PDE3A: variants seen among roughly 807,000 people sequenced by gnomAD.
The protein encoded by PDE3A is phosphodiesterase 3A, also known as cGMP-inhibited 3',5'-cyclic phosphodiesterase 3A.
Under a neutral mutation model 98.3 loss-of-function variants are expected in PDE3A, and 43 were observed. The observed-to-expected ratio is 0.44, with a 90% CI of 0.34 to 0.56. The LOEUF is 0.56. Among genes scored for constraint, PDE3A ranks in the 20% least tolerant of loss-of-function variants. The probability of loss-of-function intolerance (pLI) is 0.01; values close to 1 mark genes in which losing one functional copy is unlikely to be tolerated. For missense variants in PDE3A, 1,427 were observed against 1,440.7 expected (o/e 0.99, Z 0.15); for synonymous variants, 663 against 567.9 (o/e 1.17, Z -2.38).
At chr12:20,429,112 T>C (rs923778834) in intron 1 of PDE3A, among the ~76,000 whole-genome samples, 1 of 152,164 alleles carries the variant, frequency 6.6e-6, no homozygotes, top group African/African-American at 2.4e-5. Context: ...AAAAAATGCA[T>C]AAAACAGAAC....
intron 2 of PDE3A, among the ~76,000 whole-genome samples, chr12:20,585,717 C>G (rs1414132724): frequency 6.6e-6 from 1 of 152,168 alleles, no homozygotes; most frequent in Non-Finnish European, 1.5e-5. Context: ...TCTCATTGTT[C>G]TCCTTCAGCC....
intron 10 of PDE3A, among the ~76,000 whole-genome samples, 171 bp from the exon 11 acceptor site, chr12:20,646,319 G>A (rs957834629): frequency 5.3e-5 from 8 of 152,166 alleles, no homozygotes; most frequent in Admixed American, 2.0e-4. Context: ...TACGATGGAT[G>A]TTATGGAGTT....
intron 1 of PDE3A, among the ~76,000 whole-genome samples, chr12:20,375,088 T>G (rs1319207221): frequency 6.6e-6 from 1 of 151,928 alleles, no homozygotes; most frequent in Non-Finnish European, 1.5e-5. Context: ...TGTGTGGTGT[T>G]TATATCTTCT....
At chr12:20,459,381 GA>G (rs1449994728) in intron 1 of PDE3A, among the ~76,000 whole-genome samples, 1 of 151,980 alleles carries the variant, frequency 6.6e-6, no homozygotes, top group Non-Finnish European at 1.5e-5. Context: ...GTTACAAACA[GA>G]AAATCATCCT....
At position 20,648,899 on chromosome 12, in the gene PDE3A, G is replaced by C. The variant is rs772179191; in HGVS notation, c.2769+8G>C. 5 of 1,486,908 alleles carry C rather than the reference G, an allele frequency of 3.4e-6. No homozygotes were observed. Among genetic ancestry groups the C allele is most frequent in the Non-Finnish European group, 4.7e-6 (5 of 1,067,182 alleles). The allele number at this position is 1,486,908 out of a possible 1,614,324, so 92.1% of individuals were successfully genotyped here. On this transcript the variant is annotated splice_region_variant and intron_variant, in intron 13 of 15. Coordinates refer to ENST00000359062, the MANE Select transcript of PDE3A (RefSeq NM_000921.5). ...GCCAAATTTAATGGCAAGGTAAATA[G>C]AGCTGTACCCAGTTTTCTTTTCTTT...
intron 5 of PDE3A, among the ~76,000 whole-genome samples, chr12:20,621,728 T>A (rs577112074): frequency 9.7e-4 from 148 of 152,240 alleles, no homozygotes; most frequent in African/African-American, 3.3e-3. Flanking sequence ...GAAATTCCAA[T>A]TTTTTAGTGT....
rs571604811 is a variant in PDE3A at position 20,505,003 on chromosome 12, G to T, written c.961-51657G>T. 3.4e-4 allele frequency among the ~76,000 whole-genome samples: 52 copies of T among 152,122 alleles called. No individual in the cohort carries two copies. The East Asian group carries it at 9.7e-3, about 28-fold the overall frequency. Reference sequence around the variant, plus strand: ...TATGCCAGTAGCTGAAAGCACCAGAGGTCTTTTCCTTGTAATTATACAGGG... The same window carrying T: ...TATGCCAGTAGCTGAAAGCACCAGATGTCTTTTCCTTGTAATTATACAGGG... On this transcript the variant is annotated intron_variant, in intron 1 of 15. Transcript: ENST00000359062.
intron 1 of PDE3A, among the ~76,000 whole-genome samples, chr12:20,456,900 C>G (rs1171439673): frequency 2.0e-5 from 3 of 152,136 alleles, no homozygotes; most frequent in Non-Finnish European, 4.4e-5. Context: ...AATAACGGTT[C>G]TCTCTCGGAC....
At chr12:20,570,746 G>A (rs1411532772) in intron 2 of PDE3A, among the ~76,000 whole-genome samples, 1 of 152,114 alleles carries the variant, frequency 6.6e-6, no homozygotes, top group African/African-American at 2.4e-5. Flanking sequence ...GTGTGTCTCA[G>A]TGTACCTCAG....
At chr12:20,669,985 A>G (rs1945428039) in intron 15 of PDE3A, among the ~76,000 whole-genome samples, 1 of 151,868 alleles carries the variant, frequency 6.6e-6, no homozygotes, top group African/African-American at 2.4e-5. Context: ...TAGGCTCAAA[A>G]TAAAAGGATG....
chr12:20,388,750 T>C (rs946651092), intron 1 of PDE3A, among the ~76,000 whole-genome samples: 2 of 152,082 alleles, frequency 1.3e-5, no homozygotes, highest in Non-Finnish European at 2.9e-5. Context: ...TAATATTGAT[T>C]AACTTCAGTT....
At chr12:20,520,434 G>T (rs951334069) in intron 1 of PDE3A, among the ~76,000 whole-genome samples, 2 of 152,148 alleles carry the variant, frequency 1.3e-5, no homozygotes, top group South Asian at 2.1e-4. Flanking sequence ...AAGTGGTTGA[G>T]TTCCATCCTG....
chr12:20,555,443 T>A (rs1942345773), intron 1 of PDE3A, among the ~76,000 whole-genome samples: 1 of 152,202 alleles, frequency 6.6e-6, no homozygotes, highest in African/African-American at 2.4e-5. Context: ...GTTTTAACTT[T>A]GTGTTTGGTG....
chr12:20,439,606 T>G (rs1944834795), intron 1 of PDE3A, among the ~76,000 whole-genome samples: 2 of 152,228 alleles, frequency 1.3e-5, no homozygotes. Flanking sequence ...TACTGTATTG[T>G]TCATGCTGCG....
intron 1 of PDE3A, among the ~76,000 whole-genome samples, chr12:20,484,054 A>T (rs549298266): frequency 6.6e-6 from 1 of 151,994 alleles, no homozygotes; most frequent in South Asian, 2.1e-4. Context: ...TTTTCTTTAA[A>T]TTTTGCCTTC....
At chr12:20,475,463 T>C (rs556775110) in intron 1 of PDE3A, among the ~76,000 whole-genome samples, 1 of 152,246 alleles carries the variant, frequency 6.6e-6, no homozygotes, top group African/African-American at 2.4e-5. Flanking sequence ...TGGTGGTGAC[T>C]CATGCCTGTC....
At chr12:20,494,405 T>G (rs2121058342) in intron 1 of PDE3A, among the ~76,000 whole-genome samples, 2 of 152,330 alleles carry the variant, frequency 1.3e-5, no homozygotes, top group East Asian at 3.9e-4. Flanking sequence ...GGGCCAAATA[T>G]TTTCAGTGTT....
At chr12:20,537,144 C>A (rs1400165949) in intron 1 of PDE3A, among the ~76,000 whole-genome samples, 1 of 152,002 alleles carries the variant, frequency 6.6e-6, no homozygotes, top group African/African-American at 2.4e-5. Flanking sequence ...TTTGCATGTC[C>A]ACAGTAGCTA....
chr12:20,553,785 C>T lies in PDE3A; in HGVS notation c.961-2875C>T, dbSNP rs558494030. On this transcript the variant is annotated intron_variant, in intron 1 of 15. Transcript: ENST00000359062. ...CAGCACATGAAGTCACGTGCAAGTG[C>T]CTTTGATTCGTTCCTTCTTTCTAAA... 4.6e-5 allele frequency among the ~76,000 whole-genome samples: 7 copies of T among 152,298 alleles called. No homozygotes were observed. In the East Asian group the frequency reaches 1.4e-3, roughly 29 times the overall value.
Sources: gnomAD v4.1 joint callset for allele counts (sites outside exome capture counted in the v4.1 genomes callset) on GRCh38, gnomAD v4.1.1 for gene constraint, MANE v1.5 for transcripts, NCBI Gene and HGNC (gene_info 2026-07-23, HGNC 2026-07-21) for gene names.